MARCHF7: variants seen among roughly 807,000 people sequenced by gnomAD.
The protein encoded by MARCHF7 is E3 ubiquitin-protein ligase MARCHF7.
Under a neutral mutation model 76.5 loss-of-function variants are expected in MARCHF7, and 20 were observed. That is an observed-to-expected ratio of 0.26 (90% CI 0.18 to 0.38). MARCHF7 has a LOEUF of 0.38. Among genes scored for constraint, MARCHF7 ranks in the 10% least tolerant of loss-of-function variants. MARCHF7 has a pLI of 1.00. For missense variants in MARCHF7, 797 were observed against 812.9 expected, an observed-to-expected ratio of 0.98 and a Z score of 0.24; for synonymous variants, 295 against 293.0, an observed-to-expected ratio of 1.01 and a Z score of -0.07.
In MARCHF7 at chr2:159,747,827, A is replaced by G. The variant is rs369030409; in HGVS notation, c.537A>G (p.Ser179=). 23 of 1,586,616 alleles carry G rather than the reference A, an allele frequency of 1.4e-5. No individual in the cohort carries two copies. Among genetic ancestry groups the G allele is most frequent in the Non-Finnish European group, 1.8e-5 (21 of 1,171,380 alleles). The stretch of plus-strand genomic sequence containing the variant: ...TAGATGTTCAAGACAGAGTTCCTTC[A>G]TATTCACAAGGAGCAAGACCAAAAG... The part of the protein sequence containing the change: ...TSSYVQDRVP[S]YSQGARPKEN... The change falls in exon 7 of 12, where the codon TCA becomes TCG. Residue 179 remains serine, a synonymous_variant. Coordinates refer to ENST00000409175, the MANE Select transcript of MARCHF7 (RefSeq NM_001282805.2).
At chr2:159,755,050 C>G (rs1706119293) in intron 8 of MARCHF7, among the ~76,000 whole-genome samples, 1 of 151,882 alleles carries the variant, frequency 6.6e-6, no homozygotes, top group African/African-American at 2.4e-5. Flanking sequence ...TTTTGCCAGG[C>G]AAATATGATG....
intron 1 of MARCHF7, among the ~76,000 whole-genome samples, chr2:159,713,341 C>G (rs1315265809): frequency 6.6e-6 from 1 of 152,178 alleles, no homozygotes; most frequent in Non-Finnish European, 1.5e-5. Context: ...TCCACCCCCT[C>G]ACCCCAAAAT....
chr2:159,734,514 T>C (rs2125456942), intron 4 of MARCHF7, among the ~76,000 whole-genome samples: 1 of 152,230 alleles, frequency 6.6e-6, no homozygotes. Context: ...TAAGGAAATA[T>C]ACAGATAGAA....
At chr2:159,715,904 A>G (rs1700982731) in intron 3 of MARCHF7, 138 bp downstream of exon 3, 1 of 152,210 alleles carries the variant, frequency 6.6e-6, no homozygotes, top group African/African-American at 2.4e-5. Context: ...GTGATGTTTC[A>G]TACTTTGTAG....
chr2:159,732,833 G>A (rs1316033480), intron 4 of MARCHF7: 5 of 984,692 alleles, frequency 5.1e-6, no homozygotes, highest in Non-Finnish European at 6.0e-6. Context: ...TGCCTGGCCT[G>A]TATTTTATTT....
chr2:159,747,983 A>C lies in MARCHF7; in HGVS notation c.693A>C (p.Ser231=), dbSNP rs144441888. Residue 231 remains serine (S), a synonymous_variant, in exon 7 of 12, where the codon TCA becomes TCC. Transcript: ENST00000409175. The part of the protein sequence containing the change: ...SLRSNFSSRE[S]ESSRSNTQPG... ...GATCAAATTTTTCTTCAAGAGAATC[A>C]GAATCTTCCCGAAGCAATACGCAGC... is the stretch of plus-strand genomic sequence containing the variant. 1.9e-5 allele frequency: 30 copies of C among 1,614,030 alleles called. No homozygotes were observed. The East Asian group carries it at 6.2e-4, about 34-fold the overall frequency.
intron 3 of MARCHF7, among the ~76,000 whole-genome samples, chr2:159,725,147 G>T (rs1262428939): frequency 6.6e-6 from 1 of 152,150 alleles, no homozygotes; most frequent in Non-Finnish European, 1.5e-5. Context: ...AAACATACTT[G>T]TGCATGTGTC....
At chr2:159,765,206 G>T (rs201226229) in intron 11 of MARCHF7, among the ~76,000 whole-genome samples, 1 of 150,124 alleles carries the variant, frequency 6.7e-6, no homozygotes, top group Admixed American at 6.6e-5. Flanking sequence ...GTGGTAGTGG[G>T]TTTTTTTTTG....
intron 3 of MARCHF7, among the ~76,000 whole-genome samples, chr2:159,723,283 G>A (rs1574211913): frequency 1.3e-5 from 2 of 152,292 alleles, no homozygotes; most frequent in Admixed American, 6.5e-5. Flanking sequence ...GTAAAAAGCC[G>A]ATGGTAGAAA....
intron 3 of MARCHF7, among the ~76,000 whole-genome samples, chr2:159,724,102 A>C (rs764339349): frequency 1.1e-4 from 17 of 152,150 alleles, no homozygotes; most frequent in Non-Finnish European, 2.5e-4. Context: ...TGTTTTGTTG[A>C]GACCTTGCAT....
rs34620033 is a variant in MARCHF7, at chr2:159,769,643, C to CATATATATATATATATAT, written c.*2316_*2317insTATATATATATATATATA. 1 of 150,894 alleles carries CATATATATATATATATAT rather than the reference C, an allele frequency of 6.6e-6. No homozygotes were observed. Among genetic ancestry groups the CATATATATATATATATAT allele is most frequent in the African/African-American group, 2.4e-5 (1 of 41,176 alleles). The allele number at this position is 150,894 out of a possible 1,614,324, so 9.3% of individuals were successfully genotyped here. ...CCTGGGCAGCACAGTGAGACTCCATCATATATATATATATAGCACTTCATT... is the reference window on the plus strand; with the variant it reads ...CCTGGGCAGCACAGTGAGACTCCATCATATATATATATATATATATATATATATATATAGCACTTCATT... On this transcript the variant is annotated 3_prime_UTR_variant, in exon 12 of 12. Coordinates refer to ENST00000409175, the MANE Select transcript of MARCHF7 (RefSeq NM_001282805.2).
rs561957602 is a variant in MARCHF7, at chr2:159,768,839, A to G, written c.*1497A>G. The G allele has an allele frequency of 1.6e-4, 24 of 152,318 alleles. No homozygotes were observed. Among genetic ancestry groups the G allele is most frequent in the African/African-American group, 5.3e-4 (22 of 41,594 alleles). 9.4% of individuals were successfully genotyped at this position (152,318 alleles called of 1,614,324 possible). On this transcript the variant is annotated 3_prime_UTR_variant, in exon 12 of 12. Transcript: ENST00000409175. ...ATATATACTTTTAATAAAATTCAGT[A>G]TGACAGTTGTCTTCTGCTTAACCCA...
chr2:159,770,752 G>A lies in MARCHF7; in HGVS notation c.*3410G>A, dbSNP rs1028364782. On this transcript the variant is annotated 3_prime_UTR_variant, in exon 12 of 12. Coordinates refer to ENST00000409175, the MANE Select transcript of MARCHF7 (RefSeq NM_001282805.2). ...CACAGTAACATGCTGTGTAGGTTTG[G>A]GACAAAATAGGCTCTACCATCTGGG... 4 of 151,988 alleles carry A rather than the reference G, an allele frequency of 2.6e-5. No homozygotes were observed. The highest frequency in any genetic ancestry group is 5.9e-5 in the Non-Finnish European group (4 of 67,976). The allele number at this position is 151,988 out of a possible 1,614,324, so 9.4% of individuals were successfully genotyped here.
rs758917188 is a variant in MARCHF7 at position 159,748,272 on chromosome 2, A to G, written c.982A>G (p.Ser328Gly). Residue 328 changes from serine to glycine, a missense_variant, in exon 7 of 12, where the codon AGT (serine) becomes GGT (glycine). Coordinates refer to ENST00000409175, the MANE Select transcript of MARCHF7 (RefSeq NM_001282805.2). ...AATCTTGACAGCTTCACAGTCCCGTAGTAATGTACCATCAGCTTCTGAAGT... is the reference window on the plus strand; with the variant it reads ...AATCTTGACAGCTTCACAGTCCCGTGGTAATGTACCATCAGCTTCTGAAGT... ...PRILTASQSR[S>G]NVPSASEVPD... The G allele has an allele frequency of 6.2e-6, 10 of 1,613,540 alleles. No individual in the cohort carries two copies. The East Asian group carries it at 2.2e-4, about 36-fold the overall frequency.
intron 4 of MARCHF7, among the ~76,000 whole-genome samples, chr2:159,738,188 C>T (rs1703692891): frequency 6.6e-6 from 1 of 152,074 alleles, no homozygotes; most frequent in South Asian, 2.1e-4. Context: ...ATCAGGTGTA[C>T]CACAGGCAGC....
At chr2:159,727,132 A>G (rs1702264007) in intron 3 of MARCHF7, among the ~76,000 whole-genome samples, 1 of 152,244 alleles carries the variant, frequency 6.6e-6, no homozygotes. Flanking sequence ...TCAGCCTTAA[A>G]AAAGGAAGGA....
chr2:159,746,300 A>G (rs12692563), intron 6 of MARCHF7, among the ~76,000 whole-genome samples: 52,344 of 152,120 alleles, frequency 0.34, 9,220 homozygotes, highest in South Asian at 0.44. Flanking sequence ...GAAATAACTG[A>G]AAGTTGAAAT....
At chr2:159,732,875 T>C (rs1436202753) in intron 4 of MARCHF7, 1 of 985,082 alleles carries the variant, frequency 1.0e-6, no homozygotes, top group African/African-American at 1.7e-5. Context: ...ATGGTGATAG[T>C]GATAGCGGTT....
At chr2:159,739,242 ACT>A (rs1703837454) in intron 4 of MARCHF7, among the ~76,000 whole-genome samples, 2 of 152,004 alleles carry the variant, frequency 1.3e-5, no homozygotes, top group African/African-American at 4.8e-5. Context: ...CCTGTTGCTG[ACT>A]CTGTGGAGCG....
Sources: allele counts gnomAD v4.1 joint callset (sites outside exome capture counted in the v4.1 genomes callset), GRCh38; gene constraint gnomAD v4.1.1; transcripts MANE v1.5; gene names NCBI Gene and HGNC (gene_info 2026-07-23, HGNC 2026-07-21).